The following ASH1L variants were observed in gnomAD, a reference collection of about 807,000 sequenced individuals.
The protein encoded by ASH1L is ASH1 like histone lysine methyltransferase.
In ASH1L, 23 loss-of-function variants were observed where a neutral mutation model predicts 269.0. The ratio of observed to expected loss-of-function variants is 0.09; its 90% confidence interval spans 0.06 to 0.12. The LOEUF is 0.12. Among genes scored for constraint, ASH1L ranks in the 10% least tolerant of loss-of-function variants. The probability of loss-of-function intolerance (pLI) is 1.00; values close to 1 mark genes in which losing one functional copy is unlikely to be tolerated. For synonymous variants in ASH1L, 1,187 were observed against 1,253.5 expected (o/e 0.95, Z 1.12); for missense variants, 2,912 against 3,567.8 (o/e 0.82, Z 4.68).
At chr1:155,555,096 C>G (rs940776060) in intron 1 of ASH1L, among the ~76,000 whole-genome samples, 1 of 141,228 alleles carries the variant, frequency 7.1e-6, no homozygotes, top group Non-Finnish European at 1.5e-5. Flanking sequence ...GAGCCGAGAT[C>G]GTGCCACTAC....
intron 3 of ASH1L, among the ~76,000 whole-genome samples, chr1:155,464,265 C>T (rs1399549904): frequency 2.6e-5 from 4 of 152,156 alleles, no homozygotes; most frequent in African/African-American, 9.7e-5. Flanking sequence ...AAATCTGACA[C>T]TTCCTCAAAG....
At chr1:155,376,795 C>T (rs1420279304) in intron 10 of ASH1L, among the ~76,000 whole-genome samples, 5 of 147,826 alleles carry the variant, frequency 3.4e-5, no homozygotes, top group South Asian at 2.3e-4. Flanking sequence ...GCAGAGGTTG[C>T]AGTGAGCCAA....
At chr1:155,521,815 C>G (rs1668904808) in intron 1 of ASH1L, among the ~76,000 whole-genome samples, 197 bp from the exon 2 acceptor site, 1 of 152,116 alleles carries the variant, frequency 6.6e-6, no homozygotes, top group Non-Finnish European at 1.5e-5. Flanking sequence ...GTTTATCATT[C>G]TACAGATATC....
At chr1:155,522,325 T>G (rs1668947028) in intron 1 of ASH1L, among the ~76,000 whole-genome samples, 1 of 152,180 alleles carries the variant, frequency 6.6e-6, no homozygotes. Context: ...ATCTATCATA[T>G]GCCAGGCATC....
At chr1:155,442,596 A>AG (rs1662685692) in intron 4 of ASH1L, among the ~76,000 whole-genome samples, 1 of 150,428 alleles carries the variant, frequency 6.6e-6, no homozygotes, top group African/African-American at 2.5e-5. Flanking sequence ...AAAAAAAAAA[A>AG]AAAAAAATCA....
At chr1:155,426,975 CCT>C (rs1384913452) in intron 5 of ASH1L, among the ~76,000 whole-genome samples, 2 of 152,076 alleles carry the variant, frequency 1.3e-5, no homozygotes, top group African/African-American at 4.8e-5. Flanking sequence ...TCTTTATATG[CCT>C]CTGTTACCCA....
chr1:155,345,715 C>T (rs562679190), intron 21 of ASH1L, among the ~76,000 whole-genome samples: 8 of 151,116 alleles, frequency 5.3e-5, no homozygotes, highest in South Asian at 4.2e-4. Flanking sequence ...GCTGGGATTA[C>T]AGGCACCTGC....
rs796380821 is a variant in ASH1L, at chr1:155,403,185, C to CA, written c.6009-7633dup. On this transcript the variant is annotated intron_variant, in intron 6 of 27. Transcript: ENST00000392403. ...GGGTGACAAGAGCGAAACTCCATCT[C>CA]AAAAAAAAAAAAGAGCTGGTGGTGG... Among the ~76,000 whole-genome samples, 1,202 of 139,574 alleles carry CA rather than the reference C, an allele frequency of 8.6e-3. 12 individuals are homozygous for CA. The highest frequency in any genetic ancestry group is 0.027 in the African/African-American group (1,021 of 38,184). The allele number at this position is 139,574 out of a possible 152,430, so 91.6% of individuals were successfully genotyped here.
At chr1:155,521,043 T>C in intron 2 of ASH1L, 57 bp downstream of exon 2, 2 of 1,483,920 alleles carry the variant, frequency 1.3e-6, no homozygotes, top group Non-Finnish European at 1.8e-6. Flanking sequence ...AGGATAAAAA[T>C]TAATAGGGAA....
intron 2 of ASH1L, among the ~76,000 whole-genome samples, chr1:155,517,517 T>C (rs1668571731): frequency 6.6e-6 from 1 of 151,720 alleles, no homozygotes; most frequent in Middle Eastern, 3.2e-3. Context: ...TAATCTCAGC[T>C]ACTTGGGAGG....
chr1:155,459,424 G>T (rs1664126371), intron 4 of ASH1L, among the ~76,000 whole-genome samples: 1 of 152,150 alleles, frequency 6.6e-6, no homozygotes, highest in African/African-American at 2.4e-5. Context: ...TCGAACTCCT[G>T]ATCTCAGGTG....
chr1:155,347,244 C>T (rs1653429224), intron 20 of ASH1L, among the ~76,000 whole-genome samples: 2 of 151,960 alleles, frequency 1.3e-5, no homozygotes, highest in South Asian at 2.1e-4. Flanking sequence ...ACAAAAAGTA[C>T]AAAAAATTAG....
chr1:155,349,709 CTTTTTTTT>C (rs993462774), intron 17 of ASH1L, 113 bp from the exon 18 acceptor site: 23 of 299,420 alleles, frequency 7.7e-5, no homozygotes, highest in East Asian at 1.8e-4. Flanking sequence ...AAATCCAAGT[CTTTTTTTT>C]TTTTTTTTTT....
intron 1 of ASH1L, among the ~76,000 whole-genome samples, chr1:155,546,348 T>G (rs1382383019): frequency 6.6e-6 from 1 of 150,532 alleles, no homozygotes; most frequent in African/African-American, 2.5e-5. Context: ...AAAAAAGAAA[T>G]TATTGCATTA....
intron 5 of ASH1L, among the ~76,000 whole-genome samples, chr1:155,429,048 A>G (rs1437469888): frequency 2.6e-5 from 4 of 152,124 alleles, no homozygotes; most frequent in Admixed American, 2.6e-4. Flanking sequence ...TAGTGTCCAT[A>G]TCCACCAGTG....
At chr1:155,435,951 T>C (rs1662051096) in intron 5 of ASH1L, among the ~76,000 whole-genome samples, 1 of 152,116 alleles carries the variant, frequency 6.6e-6, no homozygotes, top group African/African-American at 2.4e-5. Flanking sequence ...CTCAAGAGGC[T>C]GAAGCAGGAG....
Position 155,384,450 on chromosome 1 carries a change from ATT to A in ASH1L, c.6104-4336_6104-4335del, listed in dbSNP as rs1451872285. Reference sequence around the variant, plus strand: ...TGTTTTATCCTTATAGGTAAGGGTAATTTCTCTGTCATTGCTTTAAAATTGGT... The same window carrying A: ...TGTTTTATCCTTATAGGTAAGGGTAATCTCTGTCATTGCTTTAAAATTGGT... On this transcript the variant is annotated intron_variant, in intron 7 of 27. Transcript: ENST00000392403. Among the ~76,000 whole-genome samples the A allele has an allele frequency of 2.0e-5, 3 of 150,902 alleles. No homozygotes were observed. The South Asian group carries it at 6.3e-4, about 32-fold the overall frequency.
intron 12 of ASH1L, 28 bp downstream of exon 12, chr1:155,370,476 T>C: frequency 6.2e-7 from 1 of 1,612,516 alleles, no homozygotes; most frequent in South Asian, 1.1e-5. Context: ...TGCTGGATTC[T>C]TGTCTTCACC....
rs546377685 is a variant in ASH1L at position 155,526,273 on chromosome 1, T to A, written c.-99-4655A>T. Among the ~76,000 whole-genome samples the A allele has an allele frequency of 2.0e-5, 3 of 152,336 alleles. No individual in the cohort carries two copies. In the South Asian group the frequency reaches 6.2e-4, roughly 32 times the overall value. On this transcript the variant is annotated intron_variant, in intron 1 of 27. Transcript: ENST00000392403. ...GTAACTTCTAATACAATGATTGGCA[T>A]GTAGCAAATGTCTTTTTTCCTGTTT... is the stretch of plus-strand genomic sequence containing the variant.
Sources: gnomAD v4.1 joint callset for allele counts (sites outside exome capture counted in the v4.1 genomes callset) on GRCh38, gnomAD v4.1.1 for gene constraint, MANE v1.5 for transcripts, NCBI Gene and HGNC (gene_info 2026-07-23, HGNC 2026-07-21) for gene names.